HUNK: variants seen among roughly 807,000 people sequenced by gnomAD.
HUNK encodes hormonally up-regulated Neu-associated kinase, also known as hormonally up-regulated neu tumor-associated kinase.
In HUNK, 21 loss-of-function variants were observed where a neutral mutation model predicts 61.0. That is an observed-to-expected ratio of 0.34 (90% CI 0.24 to 0.50). The LOEUF (loss-of-function observed/expected upper bound fraction) is 0.50, where lower values mean the gene tolerates loss of function less well. HUNK is among the 20% of genes least tolerant of loss of function. The pLI is 0.98. For missense variants in HUNK, 772 were observed against 945.7 expected (o/e 0.82, Z 2.41); for synonymous variants, 371 against 386.1 (o/e 0.96, Z 0.46).
At chr21:31,984,580 C>T (rs1203397148) in intron 8 of HUNK, among the ~76,000 whole-genome samples, 1 of 152,106 alleles carries the variant, frequency 6.6e-6, no homozygotes, top group Non-Finnish European at 1.5e-5. Context: ...ACTCTGATTT[C>T]AGAATAAAAA....
At chr21:31,898,880 G>C (rs960152319) in intron 1 of HUNK, among the ~76,000 whole-genome samples, 5 of 152,162 alleles carry the variant, frequency 3.3e-5, no homozygotes, top group Non-Finnish European at 7.3e-5. Context: ...CAAAGCATCC[G>C]ATCAATATGC....
intron 1 of HUNK, among the ~76,000 whole-genome samples, chr21:31,895,336 G>A (rs912080429): frequency 1.3e-5 from 2 of 152,052 alleles, no homozygotes; most frequent in Admixed American, 1.3e-4. Flanking sequence ...GTTGAACTAG[G>A]GTCTCAGAGA....
intron 1 of HUNK, among the ~76,000 whole-genome samples, chr21:31,897,593 A>T (rs2052433998): frequency 6.6e-6 from 1 of 152,230 alleles, no homozygotes; most frequent in Non-Finnish European, 1.5e-5. Flanking sequence ...TCTATTTCCA[A>T]ATAAGGCCAC....
chr21:31,877,860 C>T (rs889858585), intron 1 of HUNK, among the ~76,000 whole-genome samples: 11 of 152,076 alleles, frequency 7.2e-5, no homozygotes, highest in South Asian at 2.1e-4. Context: ...AAGTGCCCCC[C>T]GCCCTGGCCC....
At chr21:31,901,118 C>T (rs142485875) in intron 1 of HUNK, among the ~76,000 whole-genome samples, 90 of 152,258 alleles carry the variant, frequency 5.9e-4, no homozygotes, top group Non-Finnish European at 8.7e-4. Flanking sequence ...CAAATAATGT[C>T]GTCTTAATTA....
intron 1 of HUNK, among the ~76,000 whole-genome samples, chr21:31,882,069 C>A (rs1186480908): frequency 6.6e-6 from 1 of 152,064 alleles, no homozygotes; most frequent in Non-Finnish European, 1.5e-5. Context: ...AGAGACCCCC[C>A]CTCCCCCATC....
intron 1 of HUNK, among the ~76,000 whole-genome samples, chr21:31,892,643 C>A (rs2052399415): frequency 6.6e-6 from 1 of 150,608 alleles, no homozygotes; most frequent in Non-Finnish European, 1.5e-5. Flanking sequence ...TTTAGACTTT[C>A]ATAGTTATAT....
At chr21:31,942,548 C>T (rs73193426) in intron 3 of HUNK, among the ~76,000 whole-genome samples, 10,913 of 152,164 alleles carry the variant, frequency 0.072, 490 homozygotes, top group African/African-American at 0.11. Flanking sequence ...GAGACCTGTC[C>T]AGTCAAGTGA....
chr21:31,980,859 C>T (rs1340275394), intron 7 of HUNK, among the ~76,000 whole-genome samples: 2 of 152,210 alleles, frequency 1.3e-5, no homozygotes, highest in East Asian at 1.9e-4. Flanking sequence ...CATGCGCCAC[C>T]ATGCCCAGGT....
intron 1 of HUNK, among the ~76,000 whole-genome samples, chr21:31,907,764 C>A (rs187534869): frequency 1.3e-5 from 2 of 151,860 alleles, no homozygotes; most frequent in East Asian, 1.9e-4. Context: ...CCGAGGCAGG[C>A]GGATCACTTG....
chr21:31,899,108 TA>T (rs1309662603), intron 1 of HUNK, among the ~76,000 whole-genome samples: 3 of 149,128 alleles, frequency 2.0e-5, no homozygotes, highest in Non-Finnish European at 4.4e-5. Context: ...GGAAATGATT[TA>T]ACAAGTCGAG....
intron 7 of HUNK, among the ~76,000 whole-genome samples, chr21:31,978,215 G>A (rs1164986460): frequency 6.6e-6 from 1 of 152,038 alleles, no homozygotes; most frequent in African/African-American, 2.4e-5. Context: ...CCAAAAAAAT[G>A]GTATATATTT....
intron 5 of HUNK, among the ~76,000 whole-genome samples, chr21:31,961,289 C>T (rs2052926586): frequency 6.6e-6 from 1 of 152,050 alleles, no homozygotes; most frequent in South Asian, 2.1e-4. Context: ...GTTTGTTTCA[C>T]CATTTACCCA....
intron 1 of HUNK, among the ~76,000 whole-genome samples, chr21:31,922,376 G>A (rs1358986311): frequency 6.8e-6 from 1 of 148,056 alleles, no homozygotes; most frequent in African/African-American, 2.5e-5. Flanking sequence ...GCCCAGTCTG[G>A]AGTGCAATGG....
chr21:31,886,725 A>G (rs1295455110), intron 1 of HUNK, among the ~76,000 whole-genome samples: 2 of 151,548 alleles, frequency 1.3e-5, no homozygotes, highest in African/African-American at 4.9e-5. Context: ...GGCTCACTGC[A>G]ACCTCCGCCT....
chr21:31,908,977 C>G (rs2052527644), intron 1 of HUNK, among the ~76,000 whole-genome samples: 1 of 151,986 alleles, frequency 6.6e-6, no homozygotes, highest in Non-Finnish European at 1.5e-5. Flanking sequence ...TAAACTGGGC[C>G]CTTTTGACAC....
At chr21:31,945,944 C>T (rs1279950092) in intron 3 of HUNK, 92 bp from the exon 4 acceptor site, 5 of 1,260,966 alleles carry the variant, frequency 4.0e-6, no homozygotes, top group East Asian at 2.4e-5. Context: ...TGTTTCCTTT[C>T]CTGCTGCCCT....
At chr21:31,997,149 G>A (rs775724797) in intron 10 of HUNK, among the ~76,000 whole-genome samples, 4 of 152,208 alleles carry the variant, frequency 2.6e-5, no homozygotes, top group Admixed American at 2.0e-4. Flanking sequence ...CCTATAAAAC[G>A]TTATGGGAGA....
intron 1 of HUNK, among the ~76,000 whole-genome samples, chr21:31,889,561 T>G (rs1348801447): frequency 6.6e-6 from 1 of 152,236 alleles, no homozygotes; most frequent in Admixed American, 6.5e-5. Context: ...TTAATAATAC[T>G]AATAAAGAAA....
Sources: gnomAD v4.1 joint callset for allele counts (sites outside exome capture counted in the v4.1 genomes callset) on GRCh38, gnomAD v4.1.1 for gene constraint, MANE v1.5 for transcripts, NCBI Gene and HGNC (gene_info 2026-07-23, HGNC 2026-07-21) for gene names.